ERC1: variants seen among roughly 807,000 people sequenced by gnomAD.
ERC1 encodes the protein RAB6 interacting protein 2.
ERC1 carries 56 observed loss-of-function variants against 132.0 expected under a neutral mutation model. That is an observed-to-expected ratio of 0.42 (90% confidence interval 0.34 to 0.53). The LOEUF (loss-of-function observed/expected upper bound fraction) is 0.53, where lower values mean the gene tolerates loss of function less well. ERC1 is among the 20% of genes least tolerant of loss of function. The probability of loss-of-function intolerance (pLI) is 0.03; values close to 1 mark genes in which losing one functional copy is unlikely to be tolerated. For missense variants in ERC1, 1,202 were observed against 1,349.9 expected (o/e 0.89, Z 1.72); for synonymous variants, 478 against 476.1 (o/e 1.00, Z -0.05).
intron 7 of ERC1, among the ~76,000 whole-genome samples, chr12:1,137,532 T>C (rs1364876266): frequency 6.6e-6 from 1 of 152,032 alleles, no homozygotes; most frequent in Non-Finnish European, 1.5e-5. Context: ...TTAAGTGAGA[T>C]AGGATTACTG....
intron 14 of ERC1, among the ~76,000 whole-genome samples, chr12:1,280,633 A>G (rs998024112): frequency 1.3e-5 from 2 of 152,178 alleles, no homozygotes; most frequent in Non-Finnish European, 2.9e-5. Context: ...TGAGATAAGT[A>G]TTTGCAAGGG....
At chr12:1,095,518 TATATTATAGC>T (rs1291382127) in intron 3 of ERC1, among the ~76,000 whole-genome samples, 1 of 152,134 alleles carries the variant, frequency 6.6e-6, no homozygotes, top group Non-Finnish European at 1.5e-5. Flanking sequence ...CATTTGAAAG[TATATTATAGC>T]AACATTAAAT....
At chr12:1,443,470 T>C (rs1168752961) in intron 17 of ERC1, 1 of 152,174 alleles carries the variant, frequency 6.6e-6, no homozygotes, top group African/African-American at 2.4e-5. Context: ...CCCAATTCAT[T>C]AGTTAGGCCA....
chr12:1,021,618 G>T (rs1336090530), intron 1 of ERC1, among the ~76,000 whole-genome samples: 4 of 151,320 alleles, frequency 2.6e-5, no homozygotes, highest in African/African-American at 9.7e-5. Flanking sequence ...AGAATGGCAT[G>T]AACCCGGGAG....
At chr12:1,102,984 C>T (rs1228115018) in intron 3 of ERC1, among the ~76,000 whole-genome samples, 1 of 152,192 alleles carries the variant, frequency 6.6e-6, no homozygotes, top group African/African-American at 2.4e-5. Flanking sequence ...AAAATTTTGC[C>T]ACACTTCCTC....
At position 1,404,663 on chromosome 12, in the gene ERC1, CTTTTA is replaced by C. The variant is rs981090815; in HGVS notation, c.2926-3480_2926-3476del. ...CTCGTTATTTTCTTTTTATTTTCAACTTTTATTTTAGATTCGGGGGATGCATACAC... is the reference window on the plus strand; with the variant it reads ...CTCGTTATTTTCTTTTTATTTTCAACTTTTAGATTCGGGGGATGCATACAC... On this transcript the variant is annotated intron_variant, in intron 16 of 18. Transcript: ENST00000360905. 8.5e-5 allele frequency among the ~76,000 whole-genome samples: 13 copies of C among 152,070 alleles called. 1 individual carries two copies. The highest frequency in any genetic ancestry group is 1.7e-4 in the African/African-American group (7 of 41,408).
At chr12:1,405,937 T>C (rs1231138045) in intron 16 of ERC1, among the ~76,000 whole-genome samples, 1 of 152,118 alleles carries the variant, frequency 6.6e-6, no homozygotes, top group Non-Finnish European at 1.5e-5. Flanking sequence ...AATAAATATA[T>C]ATACATATGT....
intron 2 of ERC1, among the ~76,000 whole-genome samples, chr12:1,078,889 G>T (rs61918746): frequency 7.5e-4 from 81 of 107,896 alleles, no homozygotes; most frequent in Non-Finnish European, 6.0e-4. Flanking sequence ...CAAAGATACA[G>T]ATAGAAATGA....
At chr12:1,271,223 A>C (rs1232508489) in intron 14 of ERC1, among the ~76,000 whole-genome samples, 1 of 152,216 alleles carries the variant, frequency 6.6e-6, no homozygotes, top group Non-Finnish European at 1.5e-5. Flanking sequence ...AAATGTGTAG[A>C]GAGACTTTTG....
intron 1 of ERC1, among the ~76,000 whole-genome samples, chr12:1,009,097 C>T (rs1194587187): frequency 6.6e-6 from 1 of 151,744 alleles, no homozygotes; most frequent in African/African-American, 2.4e-5. Context: ...CCTTGGTGCT[C>T]CATTTAAAAC....
intron 3 of ERC1, among the ~76,000 whole-genome samples, chr12:1,094,384 A>G (rs1943728428): frequency 6.8e-6 from 1 of 147,646 alleles, no homozygotes; most frequent in Non-Finnish European, 1.5e-5. Flanking sequence ...ACAGTTGCAT[A>G]CCTTATTTAT....
intron 2 of ERC1, among the ~76,000 whole-genome samples, chr12:1,065,401 C>T (rs1938921174): frequency 1.4e-5 from 2 of 142,644 alleles, no homozygotes; most frequent in Non-Finnish European, 3.0e-5. Context: ...TTTAATTTCA[C>T]AATTTGTTTG....
chr12:1,439,254 A>C lies in ERC1; in HGVS notation c.3025-5308A>C, dbSNP rs530179684. Reference sequence around the variant, plus strand: ...TAGATGAGTGAGTTGCAGAAGTGGAATGCTGTAGAATCTTCTGTTACTATT... The same window carrying C: ...TAGATGAGTGAGTTGCAGAAGTGGACTGCTGTAGAATCTTCTGTTACTATT... On this transcript the variant is annotated intron_variant, in intron 17 of 18. Transcript: ENST00000360905. Among the ~76,000 whole-genome samples, 5 of 152,276 alleles carry C rather than the reference A, an allele frequency of 3.3e-5. No homozygotes were observed. In the South Asian group the frequency reaches 6.2e-4, roughly 19 times the overall value.
intron 15 of ERC1, among the ~76,000 whole-genome samples, chr12:1,325,509 G>C (rs2082385002): frequency 6.6e-6 from 1 of 151,930 alleles, no homozygotes; most frequent in Non-Finnish European, 1.5e-5. Flanking sequence ...TGATTTTATT[G>C]GTAAACATAT....
chr12:1,263,101 T>A lies in ERC1; in HGVS notation c.2555T>A (p.Ile852Lys), dbSNP rs1324743449. 5.0e-6 allele frequency: 8 copies of A among 1,613,902 alleles called. No individual in the cohort carries two copies. Among genetic ancestry groups the A allele is most frequent in the Non-Finnish European group, 5.9e-6 (7 of 1,179,936 alleles). Residue 852 changes from isoleucine to lysine, a missense_variant, in exon 14 of 19, where the codon ATA becomes AAA. Coordinates refer to ENST00000360905, the MANE Select transcript of ERC1 (RefSeq NM_178040.4). ...LEEALRESVQ[I>K]TAEREMVLAQ... ...GAAGCACTAAGAGAAAGTGTACAGA[T>A]AACTGCAGAGCGGGAAATGGTGCTA...
At chr12:1,267,174 G>T (rs1047622745) in intron 14 of ERC1, among the ~76,000 whole-genome samples, 1 of 152,270 alleles carries the variant, frequency 6.6e-6, no homozygotes, top group Non-Finnish European at 1.5e-5. Context: ...CCCCTAACCT[G>T]TGTGAGCAAA....
At chr12:1,145,993 G>A (rs1258182001) in intron 8 of ERC1, among the ~76,000 whole-genome samples, 1 of 152,180 alleles carries the variant, frequency 6.6e-6, no homozygotes, top group Non-Finnish European at 1.5e-5. Context: ...ATAGTTTGAA[G>A]TTGAGTAATG....
intron 18 of ERC1, among the ~76,000 whole-genome samples, chr12:1,484,616 C>T (rs546460554): frequency 0.04 from 5,898 of 146,472 alleles, 412 homozygotes; most frequent in African/African-American, 0.14. Flanking sequence ...GTCTTGCTCT[C>T]GCCCAGGCTG....
intron 8 of ERC1, among the ~76,000 whole-genome samples, chr12:1,143,569 T>C (rs1273952668): frequency 6.6e-6 from 1 of 151,570 alleles, no homozygotes; most frequent in Non-Finnish European, 1.5e-5. Flanking sequence ...ACGTTTCTTT[T>C]TCAGAAGTGC....
Sources: gnomAD v4.1 joint callset for allele counts (sites outside exome capture counted in the v4.1 genomes callset) on GRCh38, gnomAD v4.1.1 for gene constraint, MANE v1.5 for transcripts, NCBI Gene and HGNC (gene_info 2026-07-23, HGNC 2026-07-21) for gene names.